Variants in DLL1 observed in about 807,000 individuals in gnomAD.
DLL1 encodes delta like canonical Notch ligand 1, also known as delta-like protein 1.
In DLL1, 9 loss-of-function variants were observed where a neutral mutation model predicts 75.1. The ratio of observed to expected loss-of-function variants is 0.12; its 90% CI spans 0.07 to 0.21. DLL1 has a LOEUF of 0.21. Ranked by LOEUF, DLL1 falls within the 10% of genes least tolerant of loss-of-function variation. The probability of loss-of-function intolerance (pLI) is 1.00; values close to 1 mark genes in which losing one functional copy is unlikely to be tolerated. For missense variants in DLL1, 837 were observed against 1,007.6 expected (o/e 0.83, Z 2.29); for synonymous variants, 477 against 418.3 (o/e 1.14, Z -1.71).
In DLL1 at chr6:170,283,665, G is replaced by A; in HGVS notation, c.1614C>T (p.Gly538=). The change falls in exon 9 of 11, where the codon GGC becomes GGT. Residue 538 remains glycine, a synonymous_variant. Coordinates refer to ENST00000366756, the MANE Select transcript of DLL1 (RefSeq NM_005618.4). ...AVVDLTEKLE[G]QGGPFPWVAV... ...CCACCCAGGGGAATGGCCCGCCCTG[G>A]CCCTCTAGCTTCTCAGTGAGGTCCA... The A allele has an allele frequency of 6.3e-7, 1 of 1,582,268 alleles. No homozygotes were observed. The highest frequency in any genetic ancestry group is 8.6e-7 in the Non-Finnish European group (1 of 1,163,848).
At position 170,282,724 on chromosome 6, in the gene DLL1, C is replaced by G. The variant is rs1435231117; in HGVS notation, c.*150G>C. The stretch of plus-strand genomic sequence containing the variant: ...CAGGCTGTCGGCAGGCGTCGAGGAC[C>G]TCAGGAGGAGAACCTGCTCGGTCTG... On this transcript the variant is annotated 3_prime_UTR_variant, in exon 11 of 11. Coordinates refer to ENST00000366756, the MANE Select transcript of DLL1 (RefSeq NM_005618.4). The G allele has an allele frequency of 7.3e-7, 1 of 1,374,646 alleles. No individual in the cohort carries two copies. The highest frequency in any genetic ancestry group is 1.4e-5 in the African/African-American group (1 of 70,180). The allele number at this position is 1,374,646 out of a possible 1,614,324, so 85.2% of individuals were successfully genotyped here. A position where few individuals can be genotyped will look rare whatever the true frequency, so the allele number is the denominator to read the frequency against.
In DLL1 at chr6:170,283,486, C is replaced by G. The variant is rs370005717; in HGVS notation, c.1793G>C (p.Arg598Pro). 3 of 1,613,358 alleles carry G rather than the reference C, an allele frequency of 1.9e-6. No individual in the cohort carries two copies. Among genetic ancestry groups the G allele is most frequent in the Admixed American group, 1.7e-5 (1 of 60,008 alleles). ...GATGCTGACTGAGATGTCCTTCTCA[C>G]GCTGGCAGTTGGCCAGGTTGTTCAT... ...ETMNNLANCQ[R>P]EKDISVSIIG... Residue 598 changes from arginine (R) to proline (P), a missense_variant, in exon 9 of 11, where the codon CGT becomes CCT. Transcript: ENST00000366756.
chr6:170,289,898 G>A, intron 1 of DLL1, 90 bp from the exon 2 acceptor site: 3 of 1,421,510 alleles, frequency 2.1e-6, no homozygotes, highest in Non-Finnish European at 2.8e-6. Context: ...GGAGAGCCTG[G>A]AAGGGCTCAG....
rs753498193 is a variant in DLL1, at chr6:170,288,307, T to C, written c.602A>G (p.His201Arg). The change falls in exon 4 of 11, where the codon CAC becomes CGC. Residue 201 changes from histidine (H) to arginine (R), a missense_variant. His to Arg is a conservative substitution (Grantham distance 29). Transcript: ENST00000366756. ...FCRPRDDAFG[H>R]FTCGERGEKV... Reference sequence around the variant, plus strand: ...CTCCCCACGCTCCCCACAGGTGAAGTGGCCGAAGGCATCGTCCCGGGGACG... The same window carrying C: ...CTCCCCACGCTCCCCACAGGTGAAGCGGCCGAAGGCATCGTCCCGGGGACG... 7 of 1,613,916 alleles carry C rather than the reference T, an allele frequency of 4.3e-6. No individual in the cohort carries two copies. The African/African-American group carries it at 9.3e-5, about 22-fold the overall frequency.
chr6:170,283,770 A>G lies in DLL1; in HGVS notation c.1509T>C (p.Tyr503=), dbSNP rs754345242. The G allele has an allele frequency of 3.8e-6, 6 of 1,589,788 alleles. No homozygotes were observed. Among genetic ancestry groups the G allele is most frequent in the Non-Finnish European group, 5.1e-6 (6 of 1,170,286 alleles). ...CGTAGCCTCGGGCACACTCGCACAC[A>G]TAGCGGTGGCCCCTCTCGTGGCAGG... The part of the protein sequence containing the change: ...GATCHERGHR[Y]VCECARGYGG... Residue 503 remains tyrosine (Y), a synonymous_variant, in exon 9 of 11, where the codon TAT becomes TAC. Transcript: ENST00000366756.
In DLL1 at chr6:170,283,528, C is replaced by T. The variant is rs769719471; in HGVS notation, c.1751G>A (p.Arg584Gln). The T allele has an allele frequency of 2.7e-5, 44 of 1,613,400 alleles. No individual in the cohort carries two copies. Among genetic ancestry groups the T allele is most frequent in the Non-Finnish European group, 3.4e-5 (40 of 1,179,994 alleles). ...QKHRPPADPC[R>Q]GETETMNNLA... ...GTTGTTCATGGTCTCCGTCTCCCCC[C>T]GGCAGGGGTCGGCTGGGGGCCGGTG... The change falls in exon 9 of 11, where the codon CGG (arginine) becomes CAG (glutamine). Residue 584 changes from arginine (R) to glutamine (Q), a missense_variant. Physicochemically the swap from Arg to Gln is conservative, Grantham distance 43. Transcript: ENST00000366756.
At chr6:170,288,069 C>T in intron 4 of DLL1, 170 bp downstream of exon 4, 1 of 952,672 alleles carries the variant, frequency 1.0e-6, no homozygotes, top group African/African-American at 1.6e-5. Context: ...CCCCAACCCC[C>T]CCACTGACGA....
chr6:170,282,580 T>C lies in DLL1; in HGVS notation c.*294A>G, dbSNP rs1407095791. On this transcript the variant is annotated 3_prime_UTR_variant, in exon 11 of 11. Coordinates refer to ENST00000366756, the MANE Select transcript of DLL1 (RefSeq NM_005618.4). ...GAATCCAAAATATACACTCAGGCAG[T>C]GCATGCTTCTTATGCGTAATTCAGT... 1 of 582,010 alleles carries C rather than the reference T, an allele frequency of 1.7e-6. No homozygotes were observed. The highest frequency in any genetic ancestry group is 3.1e-6 in the Non-Finnish European group (1 of 326,594). The allele number at this position is 582,010 out of a possible 1,614,324, so 36.1% of individuals were successfully genotyped here. A position where few individuals can be genotyped will look rare whatever the true frequency, so the allele number is the denominator to read the frequency against.
chr6:170,283,239 T>C lies in DLL1; in HGVS notation c.2040A>G (p.Thr680=), dbSNP rs1392419884. The change falls in exon 9 of 11, where the codon ACA becomes ACG. Residue 680 remains threonine (T), a synonymous_variant. Transcript: ENST00000366756. ...CGGCCCGCAGCACGCACCCCCTGAG[T>C]GTGGTCGGGGTCCCCTTCTCCTCCC... The part of the protein sequence containing the change: ...SSGEEKGTPT[T]LRGGEASERK... The C allele has an allele frequency of 1.2e-6, 2 of 1,612,484 alleles. No individual in the cohort carries two copies. Among genetic ancestry groups the C allele is most frequent in the South Asian group, 1.1e-5 (1 of 91,050 alleles).
At position 170,283,516 on chromosome 6, in the gene DLL1, T is replaced by C. The variant is rs1345216327; in HGVS notation, c.1763A>G (p.Glu588Gly). 3 of 1,613,732 alleles carry C rather than the reference T, an allele frequency of 1.9e-6. No individual in the cohort carries two copies. In the South Asian group the frequency reaches 3.3e-5, roughly 18 times the overall value. Reference sequence around the variant, plus strand: ...GCAGTTGGCCAGGTTGTTCATGGTCTCCGTCTCCCCCCGGCAGGGGTCGGC... The same window carrying C: ...GCAGTTGGCCAGGTTGTTCATGGTCCCCGTCTCCCCCCGGCAGGGGTCGGC... ...PPADPCRGET[E>G]TMNNLANCQR... The change falls in exon 9 of 11, where the codon GAG (glutamate) becomes GGG (glycine). Residue 588 changes from glutamate to glycine, a missense_variant. By Grantham distance (98) the Glu-to-Gly change is moderately conservative. Transcript: ENST00000366756.
chr6:170,288,926 G>C, intron 2 of DLL1, 137 bp from the exon 3 acceptor site: 1 of 914,672 alleles, frequency 1.1e-6, no homozygotes, highest in Non-Finnish European at 1.8e-6. Flanking sequence ...GTCTGGAGAG[G>C]GTCTCCACGC....
rs1170533495 is a variant in DLL1 at position 170,283,820 on chromosome 6, G to A, written c.1459C>T (p.His487Tyr). 1 of 1,593,508 alleles carries A rather than the reference G, an allele frequency of 6.3e-7. No homozygotes were observed. The highest frequency in any genetic ancestry group is 1.1e-5 in the South Asian group (1 of 89,052). The change falls in exon 9 of 11, where the codon CAC (histidine) becomes TAC (tyrosine). Residue 487 changes from histidine (H) to tyrosine (Y), a missense_variant. This residue lies in a region of DLL1 where 533 missense variants were observed against 545.7 expected (regional missense o/e 0.98). Transcript: ENST00000366756. Reference sequence around the variant, plus strand: ...GTGGCCCCATTGTGGCAGGGTGCGTGCTCGCACCTGCTGACGGGGGCACTG... The same window carrying A: ...GTGGCCCCATTGTGGCAGGGTGCGTACTCGCACCTGCTGACGGGGGCACTG... Reference protein sequence around the residue: ...NCSAPVSRCEHAPCHNGATCH... With the variant: ...NCSAPVSRCEYAPCHNGATCH...
At position 170,283,527 on chromosome 6, in the gene DLL1, C is replaced by T. The variant is rs1442218045; in HGVS notation, c.1752G>A (p.Arg584=). Residue 584 remains arginine (R), a synonymous_variant, in exon 9 of 11, where the codon CGG becomes CGA. Transcript: ENST00000366756. ...GGTTGTTCATGGTCTCCGTCTCCCCCCGGCAGGGGTCGGCTGGGGGCCGGT... is the reference window on the plus strand; with the variant it reads ...GGTTGTTCATGGTCTCCGTCTCCCCTCGGCAGGGGTCGGCTGGGGGCCGGT... ...QKHRPPADPC[R]GETETMNNLA... is the part of the protein sequence containing the mutation. 1.2e-6 allele frequency: 2 copies of T among 1,613,630 alleles called. No individual in the cohort carries two copies. Among genetic ancestry groups the T allele is most frequent in the Non-Finnish European group, 1.7e-6 (2 of 1,180,038 alleles).
chr6:170,285,927 C>G (rs140236755), intron 5 of DLL1, among the ~76,000 whole-genome samples: 1 of 152,300 alleles, frequency 6.6e-6, no homozygotes, highest in Non-Finnish European at 1.5e-5. Flanking sequence ...AAAATCACTC[C>G]CTGAGTGATT....
In DLL1 at chr6:170,285,275, A is replaced by G. The variant is rs1368094435; in HGVS notation, c.1011T>C (p.Cys337=). Residue 337 remains cysteine (C), a synonymous_variant, in exon 7 of 11, where the codon TGT becomes TGC. Coordinates refer to ENST00000366756, the MANE Select transcript of DLL1 (RefSeq NM_005618.4). ...LGIDECDPSP[C]KNGGSCTDLE... is the part of the protein sequence containing the mutation. The stretch of plus-strand genomic sequence containing the variant: ...TCACCGTGCAGCTCCCTCCGTTCTT[A>G]CAAGGGCTGGGGTCACACTCGTCAA... The G allele has an allele frequency of 2.5e-6, 4 of 1,614,028 alleles. No homozygotes were observed. The highest frequency in any genetic ancestry group is 3.4e-6 in the Non-Finnish European group (4 of 1,180,028).
At chr6:170,288,646 C>T (rs1428825021) in intron 3 of DLL1, 83 bp downstream of exon 3, 2 of 1,608,578 alleles carry the variant, frequency 1.2e-6, no homozygotes, top group South Asian at 1.1e-5. Context: ...GAAAGCTGTC[C>T]GGGTTTGGCT....
At chr6:170,288,071 C>A (rs975146872) in intron 4 of DLL1, 168 bp downstream of exon 4, 15 of 971,262 alleles carry the variant, frequency 1.5e-5, no homozygotes, top group South Asian at 1.2e-4. Context: ...CCAACCCCCC[C>A]ACTGACGAGC....
At position 170,284,010 on chromosome 6, in the gene DLL1, G is replaced by A. The variant is rs376472547; in HGVS notation, c.1269C>T (p.Leu423=). ...PCSNGAKCVD[L]GDAYLCRCQA... is the part of the protein sequence containing the mutation. ...GGCAGCGGCACAGGTAGGCATCACC[G>A]AGGTCCACACACTTGGCACCTGGAA... The change falls in exon 9 of 11, where the codon CTC becomes CTT. Residue 423 remains leucine, a synonymous_variant. Coordinates refer to ENST00000366756, the MANE Select transcript of DLL1 (RefSeq NM_005618.4). 72 of 1,576,944 alleles carry A rather than the reference G, an allele frequency of 4.6e-5. No individual in the cohort carries two copies. The highest frequency in any genetic ancestry group is 5.6e-5 in the Non-Finnish European group (66 of 1,168,374).
Position 170,283,949 on chromosome 6 carries a change from C to T in DLL1, c.1330G>A (p.Val444Met), listed in dbSNP as rs16901311. 2,741 of 1,592,232 alleles carry T rather than the reference C, an allele frequency of 1.7e-3. 40 individuals carry two copies. The African/African-American group carries it at 0.032, about 19-fold the overall frequency. ...GFSGRHCDDN[V>M]DDCASSPCAN... ...CACGGGGAGGAGGCGCAGTCGTCCA[C>T]GTTGTCGTCACAGTGCCTCCCCGAG... Residue 444 changes from valine to methionine, a missense_variant, in exon 9 of 11, where the codon GTG becomes ATG. Around this residue, in one of 2 missense-constraint regions of DLL1, gnomAD observed 533 missense variants for 545.7 expected, o/e 0.98. Transcript: ENST00000366756.
Sources: allele counts gnomAD v4.1 joint callset (sites outside exome capture counted in the v4.1 genomes callset), GRCh38; gene constraint gnomAD v4.1.1; regional missense constraint gnomAD v4.1.1; transcripts MANE v1.5; gene names NCBI Gene and HGNC (gene_info 2026-07-23, HGNC 2026-07-21).